Variants in SLC22A4 observed in about 807,000 individuals in gnomAD.
SLC22A4 encodes solute carrier family 22 member 4.
In SLC22A4, 39 loss-of-function variants were observed where a neutral mutation model predicts 56.6. That is an observed-to-expected ratio of 0.69 (90% CI 0.53 to 0.90). The LOEUF (loss-of-function observed/expected upper bound fraction) is 0.90. Among genes scored for constraint, SLC22A4 ranks in the 40% least tolerant of loss-of-function variants. The probability of loss-of-function intolerance (pLI) is 0.00; values close to 1 mark genes in which losing one functional copy is unlikely to be tolerated. For synonymous variants in SLC22A4, 241 were observed against 281.4 expected (o/e 0.86, Z 1.44); for missense variants, 594 against 696.5 (o/e 0.85, Z 1.66).
At chr5:132,307,320 T>C (rs1028424587) in intron 1 of SLC22A4, among the ~76,000 whole-genome samples, 1 of 152,250 alleles carries the variant, frequency 6.6e-6, no homozygotes. Context: ...GAGAGGATAC[T>C]ATAGAAATCA....
intron 5 of SLC22A4, among the ~76,000 whole-genome samples, chr5:132,329,473 C>G (rs1750792935): frequency 6.9e-6 from 1 of 145,336 alleles, no homozygotes; most frequent in East Asian, 2.0e-4. Flanking sequence ...ATTGCTCATG[C>G]TTTTTTTTTT....
chr5:132,325,530 CAT>C (rs1158631232), intron 4 of SLC22A4, among the ~76,000 whole-genome samples: 2 of 152,144 alleles, frequency 1.3e-5, no homozygotes, highest in African/African-American at 2.4e-5. Flanking sequence ...TTTTTCAACT[CAT>C]GTGCTATTAA....
In SLC22A4 at chr5:132,294,677, A is replaced by C; in HGVS notation, c.61A>C (p.Ile21Leu). ...CGAGTGGGGGCCCTTCCAGCGCCTC[A>C]TCTTCTTCCTGCTCAGCGCCAGCAT... ...LGEWGPFQRLIFFLLSASIIP... is the reference protein window; with the variant it reads ...LGEWGPFQRLLFFLLSASIIP... Residue 21 changes from isoleucine to leucine, a missense_variant, in exon 1 of 10, where the codon ATC (isoleucine) becomes CTC (leucine). By Grantham distance (5) the Ile-to-Leu change is conservative. Coordinates refer to ENST00000200652, the MANE Select transcript of SLC22A4 (RefSeq NM_003059.3). The surrounding 1 kb of genome is among the most constrained non-coding windows in gnomAD (Gnocchi z 5.6). The C allele has an allele frequency of 2.5e-6, 4 of 1,614,148 alleles. No individual in the cohort carries two copies. Among genetic ancestry groups the C allele is most frequent in the Non-Finnish European group, 3.4e-6 (4 of 1,180,024 alleles).
intron 9 of SLC22A4, among the ~76,000 whole-genome samples, chr5:132,342,799 G>A (rs1338331929): frequency 6.6e-6 from 1 of 152,254 alleles, no homozygotes; most frequent in Non-Finnish European, 1.5e-5. Context: ...GAGTGCAGAG[G>A]TTCTGTCCCT....
At chr5:132,332,070 T>G in intron 6 of SLC22A4, 1 of 497,340 alleles carries the variant, frequency 2.0e-6, no homozygotes, top group Non-Finnish European at 3.7e-6. Context: ...TTCCAGCACT[T>G]TGGGAGGCCA....
intron 8 of SLC22A4, among the ~76,000 whole-genome samples, chr5:132,338,482 C>T (rs545436244): frequency 7.3e-4 from 111 of 152,190 alleles, no homozygotes; most frequent in Middle Eastern, 3.4e-3. Flanking sequence ...ACCGGTCTGA[C>T]CAAAATTTAT....
chr5:132,335,293 ATG>A (rs1452521057), intron 7 of SLC22A4, among the ~76,000 whole-genome samples: 1 of 152,222 alleles, frequency 6.6e-6, no homozygotes, highest in Non-Finnish European at 1.5e-5. Flanking sequence ...TGAGTAGGAC[ATG>A]TCGGTTCCAG....
chr5:132,336,112 A>G, intron 8 of SLC22A4, 112 bp downstream of exon 8: 1 of 1,084,086 alleles, frequency 9.2e-7, no homozygotes, highest in Non-Finnish European at 1.4e-6. Flanking sequence ...AAAAAGTACA[A>G]GTTCACCTCT....
At chr5:132,322,793 T>G (rs1038257891) in intron 4 of SLC22A4, among the ~76,000 whole-genome samples, 1 of 152,212 alleles carries the variant, frequency 6.6e-6, no homozygotes, top group African/African-American at 2.4e-5. Flanking sequence ...AGCACTATGA[T>G]AGTGTGCCTA....
At chr5:132,324,429 C>A (rs1355618004) in intron 4 of SLC22A4, 2 of 463,212 alleles carry the variant, frequency 4.3e-6, no homozygotes, top group Non-Finnish European at 8.9e-6. Flanking sequence ...GCTCACTGTG[C>A]CCTAAGGAGA....
At chr5:132,325,597 G>C (rs1221022898) in intron 4 of SLC22A4, among the ~76,000 whole-genome samples, 1 of 152,248 alleles carries the variant, frequency 6.6e-6, no homozygotes, top group African/African-American at 2.4e-5. Flanking sequence ...CTAATTCCTA[G>C]TGTGGGTTTG....
chr5:132,343,303 T>C (rs1187114849), intron 9 of SLC22A4, among the ~76,000 whole-genome samples: 2 of 152,232 alleles, frequency 1.3e-5, no homozygotes, highest in Non-Finnish European at 2.9e-5. Context: ...CCATCTGCTA[T>C]ATGGGATATT....
chr5:132,304,996 G>T (rs1368467161), intron 1 of SLC22A4, among the ~76,000 whole-genome samples: 1 of 152,208 alleles, frequency 6.6e-6, no homozygotes, highest in Non-Finnish European at 1.5e-5. Flanking sequence ...TATAGTCCCA[G>T]TTACTCAGGA....
At chr5:132,336,957 T>G (rs1041747143) in intron 8 of SLC22A4, among the ~76,000 whole-genome samples, 1 of 152,234 alleles carries the variant, frequency 6.6e-6, no homozygotes, top group Non-Finnish European at 1.5e-5. Context: ...AAATCTTACT[T>G]TTATACTGAA....
chr5:132,310,895 G>A (rs3805668), intron 1 of SLC22A4, among the ~76,000 whole-genome samples: 11,137 of 152,182 alleles, frequency 0.073, 543 homozygotes, highest in East Asian at 0.27. Context: ...TTGGAGCCCC[G>A]TCTGGCAAGC....
rs747226239 is a variant in SLC22A4 at position 132,340,553 on chromosome 5, C to T, written c.1445-12C>T. The T allele has an allele frequency of 2.4e-5, 39 of 1,613,364 alleles. No individual in the cohort carries two copies. Among genetic ancestry groups the T allele is most frequent in the East Asian group, 1.3e-4 (6 of 44,878 alleles). On this transcript the variant is annotated splice_polypyrimidine_tract_variant and intron_variant, in intron 8 of 9. Transcript: ENST00000200652. ...CTATCTGATTGATGTTCTTATGTCC[C>T]GGGCTTTACAGGTGCTTACAACAGA...
intron 1 of SLC22A4, among the ~76,000 whole-genome samples, chr5:132,301,985 C>G (rs907470959): frequency 1.3e-5 from 2 of 152,234 alleles, no homozygotes; most frequent in African/African-American, 4.8e-5. Context: ...CTGGCTCCAG[C>G]CAGCCCGGCG....
intron 1 of SLC22A4, among the ~76,000 whole-genome samples, chr5:132,309,641 T>G (rs571567244): frequency 1.3e-5 from 2 of 152,394 alleles, no homozygotes; most frequent in South Asian, 4.1e-4. Context: ...GCCAGCTTCA[T>G]GGGCATGCAA....
At chr5:132,330,564 A>G (rs1007464139) in intron 5 of SLC22A4, among the ~76,000 whole-genome samples, 1 of 152,100 alleles carries the variant, frequency 6.6e-6, no homozygotes, top group Non-Finnish European at 1.5e-5. Context: ...CATCTCTACT[A>G]AAAATACAAA....
Sources: gnomAD v4.1 joint callset for allele counts (sites outside exome capture counted in the v4.1 genomes callset) on GRCh38, gnomAD v4.1.1 for gene constraint, Gnocchi (gnomAD v3.1) non-coding constraint, MANE v1.5 for transcripts, NCBI Gene and HGNC (gene_info 2026-07-23, HGNC 2026-07-21) for gene names.